Variants in CADM1 observed in about 807,000 individuals in gnomAD.
The protein encoded by CADM1 is cell adhesion molecule 1, also known as TSLC-1.
In CADM1, 15 loss-of-function variants were observed where a neutral mutation model predicts 53.1. The ratio of observed to expected loss-of-function variants is 0.28; its 90% CI spans 0.19 to 0.44. The LOEUF (loss-of-function observed/expected upper bound fraction) is 0.44. CADM1 is among the 20% of genes least tolerant of loss of function. CADM1 has a pLI of 1.00. For missense variants in CADM1, 434 were observed against 611.3 expected, an observed-to-expected ratio of 0.71 and a Z score of 3.06; for synonymous variants, 281 against 243.0, an observed-to-expected ratio of 1.16 and a Z score of -1.45.
intron 1 of CADM1, among the ~76,000 whole-genome samples, chr11:115,336,372 G>C (rs1379288856): frequency 6.6e-6 from 1 of 152,118 alleles, no homozygotes; most frequent in Non-Finnish European, 1.5e-5. Context: ...GAGCCTCCAA[G>C]GATCCATGGA....
Position 115,229,170 on chromosome 11 carries a change from C to G in CADM1, c.664G>C (p.Val222Leu), listed in dbSNP as rs1213670855. 6.2e-7 allele frequency: 1 copy of G among 1,614,004 alleles called. No individual in the cohort carries two copies. The highest frequency in any genetic ancestry group is 1.3e-5 in the African/African-American group (1 of 74,948). The change falls in exon 5 of 12, where the codon GTG becomes CTG. Residue 222 changes from valine to leucine, a missense_variant. Physicochemically the swap from Val to Leu is conservative, Grantham distance 32. Around this residue, in one of 4 missense-constraint regions of CADM1, gnomAD observed 311 missense variants for 435.1 expected, o/e 0.71. Transcript: ENST00000331581. The stretch of plus-strand genomic sequence containing the variant: ...TTTCCAGTGACCGCAGGGTGCTCCA[C>G]CTGGCAGATCACTGGGACCCCATCG... Reference protein sequence around the residue: ...EDDGVPVICQVEHPAVTGNLQ... With the variant: ...EDDGVPVICQLEHPAVTGNLQ...
chr11:115,267,678 CT>C (rs56712105), intron 1 of CADM1, among the ~76,000 whole-genome samples: 3,492 of 131,216 alleles, frequency 0.027, 45 homozygotes, highest in African/African-American at 0.045. Flanking sequence ...AAATTGCTTT[CT>C]TTTTTTTTTT....
intron 1 of CADM1, among the ~76,000 whole-genome samples, chr11:115,264,841 C>G (rs1187930597): frequency 6.6e-6 from 1 of 152,178 alleles, no homozygotes; most frequent in African/African-American, 2.4e-5. Context: ...ATTTCTCTTA[C>G]TATCCTTCTT....
intron 1 of CADM1, among the ~76,000 whole-genome samples, chr11:115,378,862 G>T (rs989438253): frequency 3.9e-5 from 6 of 152,134 alleles, no homozygotes; most frequent in African/African-American, 1.4e-4. Flanking sequence ...TTACTACCTT[G>T]CCCTCTACAG....
In CADM1 at chr11:115,248,614, GC is replaced by G; in HGVS notation, c.125-8195del. 2.0e-5 allele frequency among the ~76,000 whole-genome samples: 3 copies of G among 152,276 alleles called. No individual in the cohort carries two copies. In the East Asian group the frequency reaches 5.8e-4, roughly 29 times the overall value. The stretch of plus-strand genomic sequence containing the variant: ...ATAATAATAATCATTGAATCCTTTT[GC>G]TTTGCACACTGGTAGGTGAAAACCT... On this transcript the variant is annotated intron_variant, in intron 1 of 11. Coordinates refer to ENST00000331581, the MANE Select transcript of CADM1 (RefSeq NM_001301043.2).
intron 1 of CADM1, among the ~76,000 whole-genome samples, chr11:115,275,426 C>T (rs140951174): frequency 1.3e-5 from 2 of 152,126 alleles, no homozygotes; most frequent in East Asian, 1.9e-4. Context: ...TGCTTTACAA[C>T]GTGACCTTAG....
intron 1 of CADM1, among the ~76,000 whole-genome samples, chr11:115,335,937 A>G: frequency 6.6e-6 from 1 of 152,164 alleles, no homozygotes; most frequent in East Asian, 1.9e-4. Context: ...TGTTTCTCTT[A>G]AAATGACAGG....
rs1425173170 is a variant in CADM1 at position 115,172,001 on chromosome 11, A to C, written c.*4473T>G. ...ATCCTGTGACTGACATGTAATGAAC[A>C]AGTAGTGTGTGTCTGGCACCTTTTT... On this transcript the variant is annotated 3_prime_UTR_variant, in exon 12 of 12. Coordinates refer to ENST00000331581, the MANE Select transcript of CADM1 (RefSeq NM_001301043.2). 3.9e-5 allele frequency: 6 copies of C among 152,248 alleles called. No individual in the cohort carries two copies. Among genetic ancestry groups the C allele is most frequent in the African/African-American group, 1.4e-4 (6 of 41,448 alleles). The allele number at this position is 152,248 out of a possible 1,614,324, so 9.4% of individuals were successfully genotyped here. A position where few individuals can be genotyped will look rare whatever the true frequency, so the allele number is the denominator to read the frequency against.
chr11:115,455,149 A>G, intron 1 of CADM1, among the ~76,000 whole-genome samples: 1 of 152,184 alleles, frequency 6.6e-6, no homozygotes, highest in Non-Finnish European at 1.5e-5. Context: ...CTTGTTATTA[A>G]CATGGCAAGT....
chr11:115,234,532 G>A (rs115554837), intron 3 of CADM1, among the ~76,000 whole-genome samples: 18 of 152,104 alleles, frequency 1.2e-4, no homozygotes, highest in Admixed American at 1.0e-3. Context: ...AGGATTATAT[G>A]CCCAAAGAGC....
intron 1 of CADM1, among the ~76,000 whole-genome samples, chr11:115,284,237 G>T (rs1164414398): frequency 6.6e-6 from 1 of 151,454 alleles, no homozygotes; most frequent in Non-Finnish European, 1.5e-5. Flanking sequence ...CTAGAAATGG[G>T]TCAATTATTT....
At chr11:115,327,469 T>C (rs1944988285) in intron 1 of CADM1, among the ~76,000 whole-genome samples, 1 of 152,222 alleles carries the variant, frequency 6.6e-6, no homozygotes, top group African/African-American at 2.4e-5. Context: ...CAAGGATTCA[T>C]TCATCCAGAA....
intron 8 of CADM1, among the ~76,000 whole-genome samples, chr11:115,202,954 CT>C (rs1940504227): frequency 1.3e-5 from 2 of 151,872 alleles, no homozygotes; most frequent in South Asian, 4.2e-4. Context: ...GGTTTCCTGG[CT>C]AATTTTCTTT....
At chr11:115,197,293 T>C (rs904043327) in intron 9 of CADM1, among the ~76,000 whole-genome samples, 1 of 152,220 alleles carries the variant, frequency 6.6e-6, no homozygotes, top group African/African-American at 2.4e-5. Flanking sequence ...AATGTTTCTC[T>C]AAAAGTTGAA....
At chr11:115,358,384 A>G (rs578015643) in intron 1 of CADM1, among the ~76,000 whole-genome samples, 1 of 152,304 alleles carries the variant, frequency 6.6e-6, no homozygotes, top group African/African-American at 2.4e-5. Context: ...GGAAGGTGAA[A>G]GGCATGTTTT....
intron 1 of CADM1, among the ~76,000 whole-genome samples, chr11:115,391,160 T>C (rs1163247107): frequency 6.6e-6 from 1 of 152,210 alleles, no homozygotes. Context: ...TTATAACCTG[T>C]CTGCATTAAA....
At chr11:115,328,824 C>T (rs1397900946) in intron 1 of CADM1, among the ~76,000 whole-genome samples, 2 of 128,268 alleles carry the variant, frequency 1.6e-5, no homozygotes, top group Non-Finnish European at 3.4e-5. Flanking sequence ...GTCAGTATAT[C>T]TTATGGGATG....
At chr11:115,277,089 C>T (rs1171930816) in intron 1 of CADM1, among the ~76,000 whole-genome samples, 1 of 152,238 alleles carries the variant, frequency 6.6e-6, no homozygotes, top group Admixed American at 6.5e-5. Context: ...AGCCAAAAGC[C>T]AGCTTGAGTA....
chr11:115,229,227 TG>T lies in CADM1; in HGVS notation c.606del (p.Ser203ValfsTer3), dbSNP rs1169369906. 1 of 1,614,134 alleles carries T rather than the reference TG, an allele frequency of 6.2e-7. No individual in the cohort carries two copies. On this transcript the variant is annotated frameshift_variant, in exon 5 of 12. Coordinates refer to ENST00000331581, the MANE Select transcript of CADM1 (RefSeq NM_001301043.2). LOFTEE classifies it high-confidence loss of function. Reference protein sequence around the residue: ...VEEWSDMYTVTSQLMLKVHKE... With the variant: ...VEEWSDMYTVXSQLMLKVHKE... ...TTGTGCACCTTCAGCATCAGCTGAC[TG>T]GTCACAGTGTACATGTCTGACCACT...
Sources: gnomAD v4.1 joint callset for allele counts (sites outside exome capture counted in the v4.1 genomes callset) on GRCh38, gnomAD v4.1.1 for gene constraint, gnomAD v4.1.1 regional missense constraint, MANE v1.5 for transcripts, NCBI Gene and HGNC (gene_info 2026-07-23, HGNC 2026-07-21) for gene names.